The following SEMA4D variants were observed in gnomAD, a reference collection of about 807,000 sequenced individuals.
SEMA4D encodes semaphorin 4D.
SEMA4D carries 22 observed loss-of-function variants against 74.8 expected under a neutral mutation model. The ratio of observed to expected loss-of-function variants is 0.29; its 90% CI spans 0.21 to 0.42. The LOEUF (loss-of-function observed/expected upper bound fraction) is 0.42, where lower values mean the gene tolerates loss of function less well. Ranked by LOEUF, SEMA4D falls within the 10% of genes least tolerant of loss-of-function variation. The pLI, the probability that SEMA4D is intolerant of heterozygous loss-of-function variation, is 1.00. For synonymous variants in SEMA4D, 445 were observed against 463.7 expected (o/e 0.96, Z 0.52); for missense variants, 937 against 1,118.4 (o/e 0.84, Z 2.31).
intron 2 of SEMA4D, chr9:89,449,890 G>C (rs1853931169): frequency 1.4e-6 from 2 of 1,466,682 alleles, no homozygotes; most frequent in Non-Finnish European, 1.9e-6. Context: ...ATTGACCTTG[G>C]GGTCCATGTG....
intron 13 of SEMA4D, 79 bp downstream of exon 13, chr9:89,386,288 G>T: frequency 8.2e-7 from 1 of 1,214,922 alleles, no homozygotes; most frequent in Non-Finnish European, 1.2e-6. Flanking sequence ...CCCGACTCCA[G>T]CTTGCCAACT....
intron 2 of SEMA4D, among the ~76,000 whole-genome samples, chr9:89,443,211 C>A (rs1010562529): frequency 6.6e-6 from 1 of 152,208 alleles, no homozygotes; most frequent in Admixed American, 6.5e-5. Flanking sequence ...TGACCACCCA[C>A]ACTACCCCCC....
intron 11 of SEMA4D, 80 bp from the exon 12 acceptor site, chr9:89,387,688 G>GT: frequency 5.7e-6 from 7 of 1,233,186 alleles, no homozygotes; most frequent in Non-Finnish European, 8.2e-6. Flanking sequence ...AGCCAACGCA[G>GT]GGGGGGCTGC....
At chr9:89,393,254 G>C (rs1840238197) in intron 7 of SEMA4D, among the ~76,000 whole-genome samples, 1 of 152,222 alleles carries the variant, frequency 6.6e-6, no homozygotes, top group Admixed American at 6.5e-5. Flanking sequence ...GACCACTGCA[G>C]ACAGCATGTG....
At chr9:89,478,414 G>GC (rs1481947600) in intron 1 of SEMA4D, among the ~76,000 whole-genome samples, 2 of 152,024 alleles carry the variant, frequency 1.3e-5, no homozygotes, top group African/African-American at 2.4e-5. Flanking sequence ...CAGGACGGAG[G>GC]CCCCCCTAGA....
chr9:89,429,279 T>C (rs1848743264), intron 2 of SEMA4D, among the ~76,000 whole-genome samples: 1 of 152,164 alleles, frequency 6.6e-6, no homozygotes, highest in Non-Finnish European at 1.5e-5. Context: ...CCTCTAATCC[T>C]AGCTTCACCC....
At chr9:89,488,042 A>T (rs529437659) in intron 1 of SEMA4D, among the ~76,000 whole-genome samples, 2 of 152,208 alleles carry the variant, frequency 1.3e-5, no homozygotes, top group Non-Finnish European at 2.9e-5. Context: ...CGACACTACA[A>T]TTTTGAAAAT....
intron 1 of SEMA4D, among the ~76,000 whole-genome samples, chr9:89,475,150 A>G (rs1291591948): frequency 1.3e-5 from 2 of 152,162 alleles, no homozygotes; most frequent in African/African-American, 4.8e-5. Flanking sequence ...ACCAGCCACA[A>G]CCTGGAGGCC....
In SEMA4D at chr9:89,381,215, T is replaced by C. The variant is rs771369251; in HGVS notation, c.1578A>G (p.Thr526=). 4.4e-6 allele frequency: 7 copies of C among 1,608,944 alleles called. No homozygotes were observed. Among genetic ancestry groups the C allele is most frequent in the Non-Finnish European group, 3.4e-6 (4 of 1,175,836 alleles). ...TCTGGTGCAGAGCCACGCAGGTCGCTGTGGGCGGGCTCCAGGCGCAGTAGG... is the reference window on the plus strand; with the variant it reads ...TCTGGTGCAGAGCCACGCAGGTCGCCGTGGGCGGGCTCCAGGCGCAGTAGG... ...RDPYCAWSPP[T]ATCVALHQTE... is the part of the protein sequence containing the mutation. Residue 526 remains threonine (T), a synonymous_variant, in exon 14 of 16, where the codon ACA becomes ACG. Coordinates refer to ENST00000422704, the MANE Select transcript of SEMA4D (RefSeq NM_001371194.2). The surrounding 1 kb of genome is among the most constrained non-coding windows in gnomAD (Gnocchi z 4.6).
chr9:89,424,514 G>A (rs1186477592), intron 2 of SEMA4D, among the ~76,000 whole-genome samples: 1 of 152,180 alleles, frequency 6.6e-6, no homozygotes, highest in Non-Finnish European at 1.5e-5. Flanking sequence ...AATCCAAGAT[G>A]CTTCCGTCCC....
intron 13 of SEMA4D, chr9:89,385,922 G>GAA: frequency 5.1e-6 from 5 of 972,936 alleles, no homozygotes; most frequent in Non-Finnish European, 6.0e-6. Flanking sequence ...CCAGACCAGA[G>GAA]TCTCAGCCAC....
chr9:89,381,267 C>A lies in SEMA4D; in HGVS notation c.1526G>T (p.Cys509Phe). The A allele has an allele frequency of 6.3e-7, 1 of 1,595,164 alleles. No homozygotes were observed. The highest frequency in any genetic ancestry group is 8.6e-7 in the Non-Finnish European group (1 of 1,168,184). The change falls in exon 14 of 16, where the codon TGC becomes TTC. Residue 509 changes from cysteine to phenylalanine, a missense_variant. Physicochemically the swap from Cys to Phe is radical, Grantham distance 205. Coordinates refer to ENST00000422704, the MANE Select transcript of SEMA4D (RefSeq NM_001371194.2). This position sits in a 1 kb window ranked among gnomAD's most constrained non-coding sequence, Gnocchi z 4.6. ...PLAFCGKHGT[C>F]EDCVLARDPY... Reference sequence around the variant, plus strand: ...GTCCCGCGCCAGCACACAGTCCTCGCAGGTGCCGTGCTTCCCACAGAAGGC... The same window carrying A: ...GTCCCGCGCCAGCACACAGTCCTCGAAGGTGCCGTGCTTCCCACAGAAGGC...
chr9:89,426,254 A>G (rs1587801166), intron 2 of SEMA4D, among the ~76,000 whole-genome samples: 2 of 152,376 alleles, frequency 1.3e-5, no homozygotes, highest in South Asian at 4.1e-4. Flanking sequence ...GCCTCAGGAC[A>G]GGCCCCAGTC....
chr9:89,392,355 A>G (rs977897393), intron 8 of SEMA4D, 68 bp downstream of exon 8: 3 of 1,209,968 alleles, frequency 2.5e-6, no homozygotes, highest in East Asian at 2.4e-5. Context: ...ACAGAAAAGG[A>G]GAGATCAACA....
At chr9:89,393,329 C>T (rs1840252925) in intron 7 of SEMA4D, among the ~76,000 whole-genome samples, 1 of 152,240 alleles carries the variant, frequency 6.6e-6, no homozygotes, top group South Asian at 2.1e-4. Context: ...ATCCAAATGA[C>T]ATGAGCCAGC....
At chr9:89,491,679 G>A (rs1340395849) in intron 1 of SEMA4D, among the ~76,000 whole-genome samples, 3 of 152,134 alleles carry the variant, frequency 2.0e-5, no homozygotes, top group Non-Finnish European at 1.5e-5. Context: ...CCGCTGGTGC[G>A]GGGACCACTC....
At chr9:89,480,860 G>A (rs1824586200) in intron 1 of SEMA4D, among the ~76,000 whole-genome samples, 1 of 152,248 alleles carries the variant, frequency 6.6e-6, no homozygotes, top group South Asian at 2.1e-4. Flanking sequence ...CCAGAAAGGG[G>A]CTCCCACAGT....
At chr9:89,485,632 T>G (rs866024241) in intron 1 of SEMA4D, among the ~76,000 whole-genome samples, 85 of 151,724 alleles carry the variant, frequency 5.6e-4, no homozygotes, top group African/African-American at 2.0e-3. Context: ...CTACTAAAAA[T>G]ACAAAATTAG....
downstream of SEMA4D, chr9:89,376,788 G>A (rs767076638): frequency 6.6e-7 from 1 of 1,520,710 alleles, no homozygotes; most frequent in Non-Finnish European, 8.9e-7. Flanking sequence ...CCTGTGGGAG[G>A]AGACAGATGG....
Sources: gnomAD v4.1 joint callset for allele counts (sites outside exome capture counted in the v4.1 genomes callset) on GRCh38, gnomAD v4.1.1 for gene constraint, Gnocchi (gnomAD v3.1) non-coding constraint, MANE v1.5 for transcripts, NCBI Gene and HGNC (gene_info 2026-07-23, HGNC 2026-07-21) for gene names.